The following LRP1B variants were observed in gnomAD, a reference collection of about 807,000 sequenced individuals.
LRP1B encodes the protein low-density lipoprotein receptor-related protein 1B.
A neutral mutation model predicts 556.6 loss-of-function variants in LRP1B; 217 were observed. That is an observed-to-expected ratio of 0.39 (90% CI 0.35 to 0.44). The LOEUF (loss-of-function observed/expected upper bound fraction) is 0.44. Ranked by LOEUF, LRP1B falls within the 20% of genes least tolerant of loss-of-function variation. LRP1B has a pLI of 1.00. For missense variants in LRP1B, 5,053 were observed against 5,620.8 expected, an observed-to-expected ratio of 0.90 and a Z score of 3.23; for synonymous variants, 2,047 against 1,865.8, an observed-to-expected ratio of 1.10 and a Z score of -2.50.
chr2:141,173,386 A>G lies in LRP1B; in HGVS notation c.1013+15035T>C, dbSNP rs184128162. On this transcript the variant is annotated intron_variant, in intron 7 of 90. Coordinates refer to ENST00000389484, the MANE Select transcript of LRP1B (RefSeq NM_018557.3). ...TATTTTTCCTAACATAAACTTGACT[A>G]TGTTCAGATAGCCATTATTTCCCTC... is the stretch of plus-strand genomic sequence containing the variant. Among the ~76,000 whole-genome samples, 55 of 152,160 alleles carry G rather than the reference A, an allele frequency of 3.6e-4. 1 individual carries two copies. In the East Asian group the frequency reaches 9.7e-3, roughly 27 times the overall value.
chr2:141,332,326 A>G (rs1019705167), intron 3 of LRP1B, among the ~76,000 whole-genome samples: 2 of 151,990 alleles, frequency 1.3e-5, no homozygotes, highest in Non-Finnish European at 2.9e-5. Context: ...ATGCAGTCTC[A>G]TCTTGGAATC....
At chr2:141,818,002 G>A (rs2068854) in intron 1 of LRP1B, among the ~76,000 whole-genome samples, 36,682 of 152,050 alleles carry the variant, frequency 0.24, 5,028 homozygotes, top group East Asian at 0.38. Flanking sequence ...ACAATCTTCT[G>A]AACAGCTAAG....
chr2:141,759,473 A>G (rs1418256979), intron 2 of LRP1B, among the ~76,000 whole-genome samples: 1 of 152,176 alleles, frequency 6.6e-6, no homozygotes, highest in East Asian at 1.9e-4. Flanking sequence ...CAACTTGTGG[A>G]TCATTAGCAT....
chr2:140,569,436 A>G (rs575344714), intron 43 of LRP1B, among the ~76,000 whole-genome samples: 4 of 152,064 alleles, frequency 2.6e-5, no homozygotes, highest in Admixed American at 2.6e-4. Context: ...GACAAAAGTA[A>G]CTTTTAGTCA....
intron 3 of LRP1B, among the ~76,000 whole-genome samples, chr2:141,267,106 C>A (rs188855412): frequency 1.8e-3 from 269 of 152,248 alleles, no homozygotes; most frequent in African/African-American, 6.1e-3. Flanking sequence ...ATTATAAACA[C>A]CTTCTGTGGG....
intron 43 of LRP1B, among the ~76,000 whole-genome samples, chr2:140,545,364 C>T (rs1249892398): frequency 2.0e-5 from 3 of 151,892 alleles, no homozygotes; most frequent in Non-Finnish European, 4.4e-5. Flanking sequence ...TTTGCCTGTT[C>T]CTATGTCTAG....
chr2:140,275,289 C>G (rs890703841), intron 84 of LRP1B, among the ~76,000 whole-genome samples: 1 of 152,030 alleles, frequency 6.6e-6, no homozygotes, highest in African/African-American at 2.4e-5. Context: ...GCTGTAGAAG[C>G]TCGGCAGTTG....
At chr2:140,862,173 G>T (rs1035541736) in intron 27 of LRP1B, among the ~76,000 whole-genome samples, 3 of 152,056 alleles carry the variant, frequency 2.0e-5, no homozygotes, top group African/African-American at 7.2e-5. Flanking sequence ...ACATTTCAAA[G>T]TTTAATTTTT....
At chr2:140,699,549 T>C (rs1272946375) in intron 41 of LRP1B, among the ~76,000 whole-genome samples, 1 of 151,620 alleles carries the variant, frequency 6.6e-6, no homozygotes, top group Admixed American at 6.6e-5. Flanking sequence ...ATAGTGAAAC[T>C]GGAAGAATGG....
chr2:141,601,899 G>T (rs1056482691), intron 2 of LRP1B, among the ~76,000 whole-genome samples: 2 of 152,016 alleles, frequency 1.3e-5, no homozygotes, highest in African/African-American at 4.8e-5. Flanking sequence ...ACCGCGTCCG[G>T]CCTTAGCATT....
At chr2:140,455,969 A>C (rs1687092265) in intron 62 of LRP1B, among the ~76,000 whole-genome samples, 1 of 152,198 alleles carries the variant, frequency 6.6e-6, no homozygotes, top group Non-Finnish European at 1.5e-5. Context: ...GATATCTTCA[A>C]CTGAGAATAA....
At chr2:141,327,559 T>C (rs866136829) in intron 3 of LRP1B, among the ~76,000 whole-genome samples, 10 of 152,228 alleles carry the variant, frequency 6.6e-5, no homozygotes, top group Non-Finnish European at 1.2e-4. Flanking sequence ...TTCTTTCTAC[T>C]ACATCATGTT....
rs111272756 is a variant in LRP1B, at chr2:140,610,772, A to C, written c.6800-9133T>G. Among the ~76,000 whole-genome samples the C allele has an allele frequency of 1.4e-3, 214 of 152,172 alleles. 2 individuals carry two copies. The highest frequency in any genetic ancestry group is 4.4e-3 in the African/African-American group (182 of 41,526). On this transcript the variant is annotated intron_variant, in intron 41 of 90. Coordinates refer to ENST00000389484, the MANE Select transcript of LRP1B (RefSeq NM_018557.3). ...GGCTAATTTTTTGTATTTTTAGTGG[A>C]GACGGGATTTCGCAGTGTTAGCCAG...
At chr2:141,720,544 T>C (rs1490441815) in intron 2 of LRP1B, among the ~76,000 whole-genome samples, 3 of 152,122 alleles carry the variant, frequency 2.0e-5, no homozygotes, top group Non-Finnish European at 4.4e-5. Flanking sequence ...CAGAAGACTC[T>C]TCAGTATGAA....
intron 1 of LRP1B, among the ~76,000 whole-genome samples, chr2:142,008,750 TC>T (rs1247150870): frequency 1.3e-5 from 2 of 152,136 alleles, no homozygotes; most frequent in East Asian, 3.9e-4. Context: ...TATGTCCCCT[TC>T]TTGATTTACC....
chr2:141,796,017 C>G (rs1695800965), intron 2 of LRP1B, among the ~76,000 whole-genome samples: 1 of 150,662 alleles, frequency 6.6e-6, no homozygotes, highest in South Asian at 2.1e-4. Context: ...AAACACAAGC[C>G]AATCTCAGCT....
chr2:140,847,695 A>T (rs1692315169), intron 29 of LRP1B, among the ~76,000 whole-genome samples: 1 of 151,694 alleles, frequency 6.6e-6, no homozygotes, highest in African/African-American at 2.4e-5. Flanking sequence ...TGAACCCTGG[A>T]GGCAGAGTTT....
rs117225004 is a variant in LRP1B at position 140,501,684 on chromosome 2, T to C, written c.8850+3A>G. 2,403 of 1,602,490 alleles carry C rather than the reference T, an allele frequency of 1.5e-3. 68 individuals carry two copies. In the East Asian group the frequency reaches 0.043, roughly 29 times the overall value. On this transcript the variant is annotated splice_donor_region_variant and intron_variant, in intron 55 of 90. Coordinates refer to ENST00000389484, the MANE Select transcript of LRP1B (RefSeq NM_018557.3). ...TGATTTGCTACTTTTGATGAGTACCTACCTTATAACTGACCGGAAGGTCTT... is the reference window on the plus strand; with the variant it reads ...TGATTTGCTACTTTTGATGAGTACCCACCTTATAACTGACCGGAAGGTCTT...
At chr2:140,932,971 G>GTA (rs896311331) in intron 20 of LRP1B, among the ~76,000 whole-genome samples, 2 of 144,770 alleles carry the variant, frequency 1.4e-5, no homozygotes, top group East Asian at 2.0e-4. Flanking sequence ...ACATATATAT[G>GTA]TATATATATT....
Sources: gnomAD v4.1 joint callset for allele counts (sites outside exome capture counted in the v4.1 genomes callset) on GRCh38, gnomAD v4.1.1 for gene constraint, MANE v1.5 for transcripts, NCBI Gene and HGNC (gene_info 2026-07-23, HGNC 2026-07-21) for gene names.